The following SLC34A2 variants were observed in gnomAD, a reference collection of about 807,000 sequenced individuals.
SLC34A2 encodes the protein sodium-dependent phosphate transport protein 2B.
A neutral mutation model predicts 50.8 loss-of-function variants in SLC34A2; 41 were observed. The ratio of observed to expected loss-of-function variants is 0.81; its 90% CI spans 0.63 to 1.05. The LOEUF (loss-of-function observed/expected upper bound fraction) is 1.05. SLC34A2 is among the 50% of genes least tolerant of loss of function. The pLI, the probability that SLC34A2 is intolerant of heterozygous loss-of-function variation, is 0.00. For synonymous variants in SLC34A2, 401 were observed against 364.2 expected (o/e 1.10, Z -1.15); for missense variants, 879 against 876.7 (o/e 1.00, Z -0.03).
intron 1 of SLC34A2, among the ~76,000 whole-genome samples, chr4:25,660,549 G>T (rs964226973): frequency 6.6e-6 from 1 of 152,126 alleles, no homozygotes; most frequent in African/African-American, 2.4e-5. Context: ...ATATGGGATT[G>T]CTTCTGTTTT....
chr4:25,671,614 T>C lies in SLC34A2; in HGVS notation c.941T>C (p.Val314Ala). The change falls in exon 9 of 13, where the codon GTC (valine) becomes GCC (alanine). Residue 314 changes from valine to alanine, a missense_variant. Physicochemically the swap from Val to Ala is moderately conservative, Grantham distance 64. Transcript: ENST00000382051. Reference protein sequence around the residue: ...KTFTNKTQINVTVPSTANCTS... With the variant: ...KTFTNKTQINATVPSTANCTS... Reference sequence around the variant, plus strand: ...TTTGTCATCCAGACCCAGATTAACGTCACTGTTCCCTCGACTGCTAACTGC... The same window carrying C: ...TTTGTCATCCAGACCCAGATTAACGCCACTGTTCCCTCGACTGCTAACTGC... 1 of 1,614,140 alleles carries C rather than the reference T, an allele frequency of 6.2e-7. No individual in the cohort carries two copies. Among genetic ancestry groups the C allele is most frequent in the Non-Finnish European group, 8.5e-7 (1 of 1,180,030 alleles).
At chr4:25,663,238 G>A (rs535919265) in intron 3 of SLC34A2, among the ~76,000 whole-genome samples, 1 of 152,278 alleles carries the variant, frequency 6.6e-6, no homozygotes, top group Admixed American at 6.5e-5. Flanking sequence ...ACAGGCATGA[G>A]CCACAGCACC....
intron 3 of SLC34A2, 90 bp downstream of exon 3, chr4:25,662,932 TTC>T (rs913424079): frequency 6.8e-7 from 1 of 1,481,226 alleles, no homozygotes; most frequent in African/African-American, 1.4e-5. Flanking sequence ...CTTTTCATTG[TTC>T]TGATTCCCTT....
chr4:25,660,253 A>T (rs1052081326), intron 1 of SLC34A2, among the ~76,000 whole-genome samples: 2 of 152,240 alleles, frequency 1.3e-5, no homozygotes, highest in Admixed American at 6.5e-5. Context: ...AGGTTGACGA[A>T]GAAAGGAGTC....
chr4:25,657,649 A>G (rs1030074671), intron 1 of SLC34A2, among the ~76,000 whole-genome samples: 3 of 152,210 alleles, frequency 2.0e-5, no homozygotes, highest in African/African-American at 7.2e-5. Context: ...AAAGTTTATT[A>G]GTGTGCCACA....
At chr4:25,676,012 A>G (rs928371083) in intron 12 of SLC34A2, 123 bp from the exon 13 acceptor site, 1 of 1,478,332 alleles carries the variant, frequency 6.8e-7, no homozygotes, top group East Asian at 2.5e-5. Context: ...AGGACAAAGA[A>G]GGCCTGGAAG....
chr4:25,662,609 A>G lies in SLC34A2; in HGVS notation c.109A>G (p.Lys37Glu). ...CCCTGATAAAAGCAAAGAGACCAAC[A>G]AAAGTAAGTGTCGCTCGTTTGTCTG... ...TAPDKSKETN[K>E]TDNTEAPVTK... The change falls in exon 2 of 13, where the codon AAA (lysine) becomes GAA (glutamate). Residue 37 changes from lysine (K) to glutamate (E), a missense_variant. Lys to Glu is a moderately conservative substitution (Grantham distance 56). Coordinates refer to ENST00000382051, the MANE Select transcript of SLC34A2 (RefSeq NM_006424.3). 3.1e-6 allele frequency: 5 copies of G among 1,614,066 alleles called. No homozygotes were observed. Among genetic ancestry groups the G allele is most frequent in the Non-Finnish European group, 3.4e-6 (4 of 1,180,016 alleles).
rs116656654 is a variant in SLC34A2 at position 25,660,838 on chromosome 4, C to T, written c.-3-1660C>T. 3.1e-3 allele frequency among the ~76,000 whole-genome samples: 477 copies of T among 152,302 alleles called. 6 individuals are homozygous for T. Among genetic ancestry groups the T allele is most frequent in the African/African-American group, 0.011 (439 of 41,568 alleles). ...GGGTTTACAGGCATGAGCCACTGTG[C>T]CCGGCCTGGATTGCTTCTTTTTTAA... is the stretch of plus-strand genomic sequence containing the variant. On this transcript the variant is annotated intron_variant, in intron 1 of 12. Coordinates refer to ENST00000382051, the MANE Select transcript of SLC34A2 (RefSeq NM_006424.3).
chr4:25,671,627 G>C lies in SLC34A2; in HGVS notation c.954G>C (p.Ser318=). 2 of 1,613,994 alleles carry C rather than the reference G, an allele frequency of 1.2e-6. No homozygotes were observed. The highest frequency in any genetic ancestry group is 2.2e-5 in the East Asian group (1 of 44,862). ...CCCAGATTAACGTCACTGTTCCCTCGACTGCTAACTGCACCTCCCCTTCCC... is the reference window on the plus strand; with the variant it reads ...CCCAGATTAACGTCACTGTTCCCTCCACTGCTAACTGCACCTCCCCTTCCC... ...NKTQINVTVP[S]TANCTSPSLC... Residue 318 remains serine (S), a synonymous_variant, in exon 9 of 13, where the codon TCG becomes TCC. Transcript: ENST00000382051.
chr4:25,676,550 G>A lies in SLC34A2; in HGVS notation c.1874G>A (p.Cys625Tyr), dbSNP rs1715137645. The change falls in exon 13 of 13, where the codon TGC (cysteine) becomes TAC (tyrosine). Residue 625 changes from cysteine to tyrosine, a missense_variant. Physicochemically the swap from Cys to Tyr is radical, Grantham distance 194. Transcript: ENST00000382051. The part of the protein sequence containing the change: ...QMRCCCCCRV[C>Y]CRACCLLCDC... ...CGCTGCTGCTGCTGCTGCCGCGTGT[G>A]CTGCCGCGCGTGCTGCTTGCTGTGT... The A allele has an allele frequency of 6.2e-7, 1 of 1,612,912 alleles. No homozygotes were observed. Among genetic ancestry groups the A allele is most frequent in the Non-Finnish European group, 8.5e-7 (1 of 1,179,090 alleles).
chr4:25,662,398 C>A, intron 1 of SLC34A2, 100 bp from the exon 2 acceptor site: 1 of 1,067,154 alleles, frequency 9.4e-7, no homozygotes, highest in Non-Finnish European at 1.4e-6. Context: ...CCGAAACCCC[C>A]ACCCAGTTGA....
At chr4:25,672,065 G>A (rs889626057) in intron 9 of SLC34A2, among the ~76,000 whole-genome samples, 1 of 152,190 alleles carries the variant, frequency 6.6e-6, no homozygotes, top group Non-Finnish European at 1.5e-5. Flanking sequence ...CAGGCATGGT[G>A]TCTCAAGGCT....
At chr4:25,668,651 A>AT (rs1714639057) in intron 6 of SLC34A2, among the ~76,000 whole-genome samples, 2 of 151,894 alleles carry the variant, frequency 1.3e-5, no homozygotes, top group African/African-American at 4.8e-5. Context: ...AAAAAAAAAA[A>AT]AAAAAATAAA....
At chr4:25,669,515 G>T in intron 6 of SLC34A2, 132 bp from the exon 7 acceptor site, 1 of 836,944 alleles carries the variant, frequency 1.2e-6, no homozygotes, top group Non-Finnish European at 2.1e-6. Context: ...ACAAAAATGA[G>T]ATTGTGTACA....
intron 1 of SLC34A2, among the ~76,000 whole-genome samples, chr4:25,659,124 C>T (rs1213151469): frequency 6.6e-6 from 1 of 152,030 alleles, no homozygotes; most frequent in African/African-American, 2.4e-5. Context: ...CCTCCCTTTG[C>T]CCCTGGCTGT....
In SLC34A2 at chr4:25,668,550, G is replaced by T. The variant is rs1407363899; in HGVS notation, c.635+559G>T. Among the ~76,000 whole-genome samples the T allele has an allele frequency of 2.6e-5, 4 of 151,968 alleles. No individual in the cohort carries two copies. The South Asian group carries it at 8.3e-4, about 32-fold the overall frequency. The stretch of plus-strand genomic sequence containing the variant: ...CCAGCTACTCTGGAGGCTGAGGCAG[G>T]AGAATCGCTTGAACCCGGGAGGCGG... On this transcript the variant is annotated intron_variant, in intron 6 of 12. Transcript: ENST00000382051.
chr4:25,671,537 G>A lies in SLC34A2; in HGVS notation c.928-64G>A, dbSNP rs74734594. 1,075 of 1,450,394 alleles carry A rather than the reference G, an allele frequency of 7.4e-4. 11 individuals are homozygous for A. The East Asian group carries it at 0.023, about 31-fold the overall frequency. The allele number at this position is 1,450,394 out of a possible 1,614,324, so 89.8% of individuals were successfully genotyped here. A position where few individuals can be genotyped will look rare whatever the true frequency, so the allele number is the denominator to read the frequency against. ...TCTGCGCCTGTTCATTCCCACCCCC[G>A]CCATTGCCTCCCATTCCCCACTAAA... On this transcript the variant is annotated intron_variant, in intron 8 of 12. Transcript: ENST00000382051.
intron 4 of SLC34A2, 147 bp downstream of exon 4, chr4:25,664,477 A>G (rs13110175): frequency 0.22 from 193,274 of 859,128 alleles, 27,403 homozygotes; most frequent in East Asian, 0.59. Flanking sequence ...TATGAAGTCT[A>G]TGCTTTCCGT....
chr4:25,672,883 G>A (rs566675629), intron 9 of SLC34A2, among the ~76,000 whole-genome samples: 14 of 152,202 alleles, frequency 9.2e-5, no homozygotes, highest in Admixed American at 7.2e-4. Context: ...AGCCTCATGC[G>A]ATCCCACTGA....
Sources: gnomAD v4.1 joint callset for allele counts (sites outside exome capture counted in the v4.1 genomes callset) on GRCh38, gnomAD v4.1.1 for gene constraint, MANE v1.5 for transcripts, NCBI Gene and HGNC (gene_info 2026-07-23, HGNC 2026-07-21) for gene names.